CSF1R: variants seen among roughly 807,000 people sequenced by gnomAD.
CSF1R encodes the protein macrophage colony-stimulating factor 1 receptor.
In CSF1R, 40 loss-of-function variants were observed where a neutral mutation model predicts 110.0. That is an observed-to-expected ratio of 0.36 (90% CI 0.28 to 0.47). The LOEUF (loss-of-function observed/expected upper bound fraction) is 0.47. Among genes scored for constraint, CSF1R ranks in the 20% least tolerant of loss-of-function variants. The probability of loss-of-function intolerance (pLI) is 0.99; values close to 1 mark genes in which losing one functional copy is unlikely to be tolerated. For missense variants in CSF1R, 1,052 were observed against 1,253.0 expected, an observed-to-expected ratio of 0.84 and a Z score of 2.42; for synonymous variants, 523 against 503.4, an observed-to-expected ratio of 1.04 and a Z score of -0.52.
At chr5:150,104,356 C>T (rs1455446935) in intron 1 of CSF1R, among the ~76,000 whole-genome samples, 3 of 152,262 alleles carry the variant, frequency 2.0e-5, no homozygotes, top group Non-Finnish European at 2.9e-5. Flanking sequence ...TCAAAGGATG[C>T]TGCTTGTCCT....
chr5:150,085,503 C>T lies in CSF1R; in HGVS notation c.49+876G>A, dbSNP rs1013274965. On this transcript the variant is annotated intron_variant, in intron 1 of 20. Transcript: ENST00000675795. ...AATAGAAATGTGTTTGTTGGGCCAA[C>T]AAGCCAAGCACAGCAGCCCCTCACC... Among the ~76,000 whole-genome samples, 3 of 152,066 alleles carry T rather than the reference C, an allele frequency of 2.0e-5. No homozygotes were observed. The South Asian group carries it at 6.2e-4, about 32-fold the overall frequency.
intron 1 of CSF1R, among the ~76,000 whole-genome samples, chr5:150,108,218 C>T (rs146366218): frequency 4.6e-5 from 7 of 152,168 alleles, no homozygotes; most frequent in East Asian, 3.9e-4. Context: ...CAAAGGAATG[C>T]GAAGAGAAAT....
chr5:150,082,916 G>A (rs1011420445), intron 1 of CSF1R, among the ~76,000 whole-genome samples: 1 of 152,136 alleles, frequency 6.6e-6, no homozygotes, highest in African/African-American at 2.4e-5. Context: ...GATTCCATTT[G>A]TTCCTTTTTT....
intron 10 of CSF1R, among the ~76,000 whole-genome samples, chr5:150,063,049 C>T (rs1339205380): frequency 1.3e-5 from 2 of 151,834 alleles, no homozygotes; most frequent in Non-Finnish European, 2.9e-5. Flanking sequence ...AAGACAGGAT[C>T]TCTGTCCCCC....
At position 150,073,831 on chromosome 5, in the gene CSF1R, C is replaced by T. The variant is rs1026599828; in HGVS notation, c.890-338G>A. On this transcript the variant is annotated intron_variant, in intron 5 of 20. Transcript: ENST00000675795. ...TTGGCAGCAAGAAAACACACACACA[C>T]ATACACACACAATTTCACGTGTCCT... is the stretch of plus-strand genomic sequence containing the variant. Among the ~76,000 whole-genome samples, 13 of 152,230 alleles carry T rather than the reference C, an allele frequency of 8.5e-5. 1 individual carries two copies. Among genetic ancestry groups the T allele is most frequent in the African/African-American group, 2.9e-4 (12 of 41,456 alleles).
chr5:150,078,261 G>A lies in CSF1R; in HGVS notation c.593-13C>T, dbSNP rs903150134. 4.5e-5 allele frequency: 73 copies of A among 1,613,716 alleles called. No homozygotes were observed. The highest frequency in any genetic ancestry group is 6.2e-5 in the Non-Finnish European group (73 of 1,179,898). ...GGCCCTGGGATGACTGAGACCGGGG[G>A]AGAGACCCCTGAACACCCAGGCTCC... On this transcript the variant is annotated splice_polypyrimidine_tract_variant and intron_variant, in intron 3 of 20. Coordinates refer to ENST00000675795, the MANE Select transcript of CSF1R (RefSeq NM_001288705.3).
intron 19 of CSF1R, chr5:150,054,831 T>C (rs1278706372): frequency 1.7e-5 from 4 of 233,064 alleles, no homozygotes; most frequent in Admixed American, 5.1e-5. Context: ...TACTAAAAAA[T>C]TTTTTAAAAA....
intron 1 of CSF1R, among the ~76,000 whole-genome samples, chr5:150,106,630 G>A (rs1036815204): frequency 6.6e-6 from 1 of 152,140 alleles, no homozygotes; most frequent in African/African-American, 2.4e-5. Flanking sequence ...GTACTATGGG[G>A]TATTTGCTCC....
intron 4 of CSF1R, 82 bp downstream of exon 4, chr5:150,078,030 T>TG (rs1758350151): frequency 2.5e-6 from 4 of 1,570,468 alleles, no homozygotes; most frequent in South Asian, 1.2e-5. Flanking sequence ...AGTTTGGAGT[T>TG]GGGGGCCCAG....
chr5:150,061,460 A>T, intron 12 of CSF1R, 31 bp downstream of exon 12: 1 of 299,580 alleles, frequency 3.3e-6, no homozygotes, highest in Non-Finnish European at 5.4e-6. Flanking sequence ...ACCACCCCCC[A>T]TCCCTTCCCT....
chr5:150,074,575 C>T (rs1365670302), intron 5 of CSF1R, among the ~76,000 whole-genome samples: 2 of 152,144 alleles, frequency 1.3e-5, no homozygotes, highest in African/African-American at 4.8e-5. Flanking sequence ...ATTCACTCAG[C>T]CTCTCCGTGC....
intron 1 of CSF1R, among the ~76,000 whole-genome samples, chr5:150,106,078 C>T (rs751950731): frequency 3.7e-4 from 57 of 152,170 alleles, no homozygotes; most frequent in Non-Finnish European, 6.8e-4. Flanking sequence ...CTGCACAGGG[C>T]GATCCTGACC....
In CSF1R at chr5:150,053,763, AG is replaced by A. The variant is rs1313890173; in HGVS notation, c.*305del. 24 of 473,128 alleles carry A rather than the reference AG, an allele frequency of 5.1e-5. No individual in the cohort carries two copies. Among genetic ancestry groups the A allele is most frequent in the Non-Finnish European group, 7.7e-5 (20 of 259,968 alleles). 29.3% of individuals were successfully genotyped at this position (473,128 alleles called of 1,614,324 possible). A position where few individuals can be genotyped will look rare whatever the true frequency, so the allele number is the denominator to read the frequency against. On this transcript the variant is annotated 3_prime_UTR_variant, in exon 21 of 21. Coordinates refer to ENST00000675795, the MANE Select transcript of CSF1R (RefSeq NM_001288705.3). The stretch of plus-strand genomic sequence containing the variant: ...AAGTCAGTCCATTTCCATGAAGATA[AG>A]GGGATTAGGAAAGAAGGTTCTACTA...
chr5:150,055,529 A>G (rs1439189493), intron 18 of CSF1R, among the ~76,000 whole-genome samples, 193 bp from the exon 19 acceptor site: 1 of 152,200 alleles, frequency 6.6e-6, no homozygotes, highest in African/African-American at 2.4e-5. Context: ...GTGAGCCTCT[A>G]TCCAGGCCTT....
chr5:150,055,427 G>A, intron 18 of CSF1R, 91 bp from the exon 19 acceptor site: 2 of 1,106,008 alleles, frequency 1.8e-6, no homozygotes. Context: ...GGTTTAAAGG[G>A]TCCCACTTGA....
intron 10 of CSF1R, among the ~76,000 whole-genome samples, chr5:150,063,458 T>A (rs1757625199): frequency 1.3e-5 from 2 of 152,092 alleles, no homozygotes; most frequent in Admixed American, 1.3e-4. Context: ...GCAATCCTTC[T>A]GCCTTGGCCT....
chr5:150,065,431 C>T (rs529543232), intron 10 of CSF1R, among the ~76,000 whole-genome samples: 3 of 152,360 alleles, frequency 2.0e-5, no homozygotes, highest in Admixed American at 2.0e-4. Context: ...GACTCCTGCC[C>T]TTTTCTCTTC....
At chr5:150,104,109 C>G (rs536198168) in intron 1 of CSF1R, among the ~76,000 whole-genome samples, 1 of 152,206 alleles carries the variant, frequency 6.6e-6, no homozygotes, top group South Asian at 2.1e-4. Flanking sequence ...CTTTGAGAGT[C>G]CCTGGATGGC....
chr5:150,077,197 T>A lies in CSF1R; in HGVS notation c.889+79A>T, dbSNP rs765950809. The A allele has an allele frequency of 1.5e-5, 24 of 1,573,426 alleles. No homozygotes were observed. In the East Asian group the frequency reaches 5.2e-4, roughly 34 times the overall value. ...CCTCAGCAGGTCTCCTTCCCTGACA[T>A]CAGCTTCCTCCTCAAAACCCTTCTG... On this transcript the variant is annotated intron_variant, in intron 5 of 20. Transcript: ENST00000675795.
Sources: gnomAD v4.1 joint callset for allele counts (sites outside exome capture counted in the v4.1 genomes callset) on GRCh38, gnomAD v4.1.1 for gene constraint, MANE v1.5 for transcripts, NCBI Gene and HGNC (gene_info 2026-07-23, HGNC 2026-07-21) for gene names.